Variants in RIMS1 observed in about 807,000 individuals in gnomAD.
The protein encoded by RIMS1 is regulating synaptic membrane exocytosis protein 1.
A neutral mutation model predicts 214.1 loss-of-function variants in RIMS1; 83 were observed. That is an observed-to-expected ratio of 0.39 (90% confidence interval 0.32 to 0.47). RIMS1 has a LOEUF of 0.47. Among genes scored for constraint, RIMS1 ranks in the 20% least tolerant of loss-of-function variants. The probability of loss-of-function intolerance (pLI) is 0.99; values close to 1 mark genes in which losing one functional copy is unlikely to be tolerated. For synonymous variants in RIMS1, 793 were observed against 786.8 expected (o/e 1.01, Z -0.13); for missense variants, 2,050 against 2,161.8 (o/e 0.95, Z 1.03).
At chr6:72,035,572 A>G (rs1819398359) in intron 2 of RIMS1, among the ~76,000 whole-genome samples, 1 of 152,140 alleles carries the variant, frequency 6.6e-6, no homozygotes, top group Non-Finnish European at 1.5e-5. Context: ...TCTTTTTAAG[A>G]TTAATTAGAA....
At chr6:71,941,429 T>C (rs988379008) in intron 1 of RIMS1, among the ~76,000 whole-genome samples, 3 of 152,236 alleles carry the variant, frequency 2.0e-5, no homozygotes, top group African/African-American at 7.2e-5. Context: ...ATAAATATTG[T>C]TCTGTTATTG....
chr6:72,126,295 C>G (rs1040226166), intron 4 of RIMS1, among the ~76,000 whole-genome samples: 2 of 152,140 alleles, frequency 1.3e-5, no homozygotes, highest in Non-Finnish European at 2.9e-5. Flanking sequence ...AGACTTAAAT[C>G]TAAGACCTGA....
intron 4 of RIMS1, among the ~76,000 whole-genome samples, chr6:72,118,848 T>A (rs951262931): frequency 1.3e-5 from 2 of 151,502 alleles, no homozygotes; most frequent in African/African-American, 4.8e-5. Flanking sequence ...CCCTATATGA[T>A]GGATCCAGAA....
chr6:72,113,566 G>A (rs2036509329), intron 4 of RIMS1, among the ~76,000 whole-genome samples: 1 of 151,988 alleles, frequency 6.6e-6, no homozygotes, highest in Admixed American at 6.6e-5. Context: ...CATTTTACAC[G>A]ATTAATTTTT....
At chr6:71,984,600 T>C (rs1799369328) in intron 2 of RIMS1, among the ~76,000 whole-genome samples, 1 of 152,180 alleles carries the variant, frequency 6.6e-6, no homozygotes, top group Admixed American at 6.5e-5. Context: ...ATGCTCAAAC[T>C]GGTTGCCAGT....
At chr6:72,198,750 A>G (rs373399229) in intron 6 of RIMS1, among the ~76,000 whole-genome samples, 124 of 152,028 alleles carry the variant, frequency 8.2e-4, no homozygotes, top group Middle Eastern at 3.4e-3. Context: ...TATGGGTGTA[A>G]CAAAATAGTA....
intron 19 of RIMS1, chr6:72,263,369 C>CCA (rs1197397763): frequency 1.1e-5 from 11 of 983,516 alleles, no homozygotes; most frequent in Non-Finnish European, 1.3e-5. Flanking sequence ...GTACATGTTA[C>CCA]CACACACCCC....
At chr6:72,024,042 C>T (rs897515394) in intron 2 of RIMS1, among the ~76,000 whole-genome samples, 15 of 152,148 alleles carry the variant, frequency 9.9e-5, no homozygotes, top group African/African-American at 3.1e-4. Context: ...AATAACTTAT[C>T]ACAAAAATCA....
Position 72,258,169 on chromosome 6 carries a change from A to G in RIMS1, c.2815A>G (p.Thr939Ala). ...SARESKSTTLTVPEQQRTTHH... is the reference protein window; with the variant it reads ...SARESKSTTLAVPEQQRTTHH... The stretch of plus-strand genomic sequence containing the variant: ...TAGAGAAAGTAAATCTACAACATTA[A>G]CTGTGCCAGAACAGCAAAGAACAAC... The change falls in exon 17 of 34, where the codon ACT becomes GCT. Residue 939 changes from threonine to alanine, a missense_variant. By Grantham distance (58) the Thr-to-Ala change is moderately conservative. Around this residue, in one of 6 missense-constraint regions of RIMS1, gnomAD observed 889 missense variants for 885.5 expected, o/e 1.00. Coordinates refer to ENST00000521978, the MANE Select transcript of RIMS1 (RefSeq NM_014989.7). 6.2e-7 allele frequency: 1 copy of G among 1,613,234 alleles called. No individual in the cohort carries two copies.
chr6:72,067,715 T>G (rs985296425), intron 2 of RIMS1, among the ~76,000 whole-genome samples: 2 of 152,202 alleles, frequency 1.3e-5, no homozygotes, highest in Admixed American at 6.5e-5. Flanking sequence ...CATGGCAGAT[T>G]TGCAATATAG....
intron 2 of RIMS1, among the ~76,000 whole-genome samples, chr6:71,969,935 A>G (rs1300059473): frequency 6.6e-6 from 1 of 152,174 alleles, no homozygotes. Context: ...TTCACATTTG[A>G]AACTCAGAGT....
chr6:72,144,020 A>T (rs1236366622), intron 4 of RIMS1, among the ~76,000 whole-genome samples: 3 of 152,210 alleles, frequency 2.0e-5, no homozygotes, highest in Non-Finnish European at 4.4e-5. Flanking sequence ...TTTTGGGTGG[A>T]TAAAATTATT....
intron 2 of RIMS1, among the ~76,000 whole-genome samples, chr6:72,057,444 G>C (rs1452091762): frequency 6.7e-6 from 1 of 149,834 alleles, no homozygotes; most frequent in Non-Finnish European, 1.5e-5. Context: ...TTCTCTACTA[G>C]TTAAAGGTTC....
At chr6:72,273,543 A>G (rs898360464) in intron 22 of RIMS1, among the ~76,000 whole-genome samples, 2 of 152,142 alleles carry the variant, frequency 1.3e-5, no homozygotes, top group African/African-American at 4.8e-5. Context: ...AAGGAATGAA[A>G]CAGTTTTCTA....
intron 29 of RIMS1, among the ~76,000 whole-genome samples, chr6:72,369,158 A>C (rs569205111): frequency 1.3e-5 from 2 of 151,620 alleles, no homozygotes; most frequent in Admixed American, 1.3e-4. Flanking sequence ...TGCCATCTCT[A>C]TGAAAATTAA....
intron 6 of RIMS1, among the ~76,000 whole-genome samples, chr6:72,231,207 T>G (rs984358211): frequency 6.6e-6 from 1 of 151,676 alleles, no homozygotes; most frequent in Non-Finnish European, 1.5e-5. Flanking sequence ...TGCTTCAAAG[T>G]TCAGTAATAT....
intron 23 of RIMS1, among the ~76,000 whole-genome samples, chr6:72,279,530 T>C (rs557963759): frequency 6.6e-6 from 1 of 152,164 alleles, no homozygotes; most frequent in East Asian, 1.9e-4. Context: ...TTCTTGCATG[T>C]TTAAAACCAA....
chr6:71,995,143 A>G (rs1803004064), intron 2 of RIMS1, among the ~76,000 whole-genome samples: 1 of 152,172 alleles, frequency 6.6e-6, no homozygotes, highest in South Asian at 2.1e-4. Context: ...GGGGAGGTCC[A>G]TTGAGCCACT....
rs139139926 is a variant in RIMS1, at chr6:71,992,639, C to T, written c.245+23576C>T. 1.4e-4 allele frequency among the ~76,000 whole-genome samples: 20 copies of T among 145,936 alleles called. No individual in the cohort carries two copies. The East Asian group carries it at 4.1e-3, about 30-fold the overall frequency. On this transcript the variant is annotated intron_variant, in intron 2 of 33. Coordinates refer to ENST00000521978, the MANE Select transcript of RIMS1 (RefSeq NM_014989.7). ...CTTCTTCTTCTTCTTCCTCTTCTTC[C>T]TCTTCCTCTTCTTTTTTCCTTTTAT...
Sources: allele counts gnomAD v4.1 joint callset (sites outside exome capture counted in the v4.1 genomes callset), GRCh38; gene constraint gnomAD v4.1.1; regional missense constraint gnomAD v4.1.1; transcripts MANE v1.5; gene names NCBI Gene and HGNC (gene_info 2026-07-23, HGNC 2026-07-21).